Variants in IGSF21 observed in about 807,000 individuals in gnomAD.
IGSF21 encodes the protein immunoglobin superfamily member 21, also known as immunoglobulin superfamily member 21.
IGSF21 carries 28 observed loss-of-function variants against 46.8 expected under a neutral mutation model. The observed-to-expected ratio is 0.60, with a 90% CI of 0.44 to 0.82. The LOEUF is 0.82. IGSF21 is among the 40% of genes least tolerant of loss of function. IGSF21 has a pLI of 0.00. For synonymous variants in IGSF21, 284 were observed against 273.6 expected (o/e 1.04, Z -0.38); for missense variants, 624 against 665.5 (o/e 0.94, Z 0.69).
chr1:18,349,538 G>A (rs1234885569), intron 4 of IGSF21, among the ~76,000 whole-genome samples: 2 of 152,094 alleles, frequency 1.3e-5, no homozygotes, highest in Non-Finnish European at 2.9e-5. Flanking sequence ...ACAATGAGGG[G>A]CAGAAAAGCA....
chr1:18,326,487 G>A (rs1410367252), intron 3 of IGSF21, among the ~76,000 whole-genome samples: 1 of 152,118 alleles, frequency 6.6e-6, no homozygotes, highest in Non-Finnish European at 1.5e-5. Context: ...GCAAACAATG[G>A]TTATACAAAT....
Position 18,334,192 on chromosome 1 carries a change from A to C in IGSF21, c.306-700A>C, listed in dbSNP as rs2085743275. ...CCCTCCCAACTACCTCAGAGGTGGA[A>C]GTGGCTGCTCCCCAACCTGAGCTCA... is the stretch of plus-strand genomic sequence containing the variant. On this transcript the variant is annotated intron_variant, in intron 3 of 9. Transcript: ENST00000251296. This position sits in a 1 kb window ranked among gnomAD's most constrained non-coding sequence, Gnocchi z 4.3. Among the ~76,000 whole-genome samples the C allele has an allele frequency of 6.6e-6, 1 of 152,182 alleles. No individual in the cohort carries two copies. The highest frequency in any genetic ancestry group is 2.1e-4 in the South Asian group (1 of 4,828).
rs550536890 is a variant in IGSF21, at chr1:18,340,072, A to C, written c.424+5062A>C. On this transcript the variant is annotated intron_variant, in intron 4 of 9. Coordinates refer to ENST00000251296, the MANE Select transcript of IGSF21 (RefSeq NM_032880.5). ...GTCTTTTTTGTTCAAATATATTATA[A>C]GGTGACTTGGATGCCCACGTACATG... Among the ~76,000 whole-genome samples the C allele has an allele frequency of 2.6e-5, 4 of 152,348 alleles. No homozygotes were observed. The South Asian group carries it at 8.3e-4, about 32-fold the overall frequency.
intron 1 of IGSF21, among the ~76,000 whole-genome samples, chr1:18,192,188 CTG>C (rs2086964456): frequency 6.6e-6 from 1 of 152,200 alleles, no homozygotes; most frequent in Non-Finnish European, 1.5e-5. Flanking sequence ...TTTCCTGCCT[CTG>C]TGAAATGGGG....
chr1:18,236,357 G>A (rs1441455692), intron 2 of IGSF21, among the ~76,000 whole-genome samples: 1 of 152,162 alleles, frequency 6.6e-6, no homozygotes, highest in Non-Finnish European at 1.5e-5. Context: ...TGACTGTGAG[G>A]CCTCCTCAGC....
chr1:18,319,097 A>C (rs2085573672), intron 3 of IGSF21, among the ~76,000 whole-genome samples: 1 of 152,230 alleles, frequency 6.6e-6, no homozygotes, highest in Non-Finnish European at 1.5e-5. Flanking sequence ...TCTTTCTCCT[A>C]AGAGTCCCAG....
intron 2 of IGSF21, among the ~76,000 whole-genome samples, chr1:18,289,534 C>T (rs191614075): frequency 6.6e-6 from 1 of 152,358 alleles, no homozygotes; most frequent in East Asian, 1.9e-4. Context: ...TCTTTACCTG[C>T]AAAATGGGAA....
intron 1 of IGSF21, among the ~76,000 whole-genome samples, chr1:18,182,438 CA>C (rs1470373364): frequency 6.6e-6 from 1 of 152,168 alleles, no homozygotes; most frequent in Non-Finnish European, 1.5e-5. Context: ...CTCGGCCTCC[CA>C]AAGTGCTAGG....
chr1:18,246,633 G>A (rs1251554426), intron 2 of IGSF21, among the ~76,000 whole-genome samples: 2 of 152,192 alleles, frequency 1.3e-5, no homozygotes, highest in Non-Finnish European at 1.5e-5. Context: ...AGCTCGGTAT[G>A]TGCTGTAATC....
intron 1 of IGSF21, among the ~76,000 whole-genome samples, chr1:18,167,966 A>G (rs994388538): frequency 1.3e-5 from 2 of 152,110 alleles, no homozygotes; most frequent in African/African-American, 4.8e-5. Flanking sequence ...AAACACCTTG[A>G]TCACCTCTAC....
chr1:18,210,022 G>A (rs181809912), intron 1 of IGSF21, among the ~76,000 whole-genome samples: 413 of 152,172 alleles, frequency 2.7e-3, no homozygotes, highest in Admixed American at 6.7e-3. Context: ...GTCTGCACCT[G>A]GGCCTTCAGC....
At chr1:18,292,711 C>G (rs538764995) in intron 3 of IGSF21, among the ~76,000 whole-genome samples, 1 of 152,182 alleles carries the variant, frequency 6.6e-6, no homozygotes, top group Admixed American at 6.5e-5. Context: ...TTTCTCCCTT[C>G]GGTCATCTGG....
chr1:18,342,462 G>A (rs1237065996), intron 4 of IGSF21, among the ~76,000 whole-genome samples: 2 of 152,128 alleles, frequency 1.3e-5, no homozygotes, highest in African/African-American at 4.8e-5. Context: ...CTCATGTAAA[G>A]TGTAAAAAAC....
At chr1:18,162,547 T>C (rs918360043) in intron 1 of IGSF21, among the ~76,000 whole-genome samples, 2 of 152,184 alleles carry the variant, frequency 1.3e-5, no homozygotes, top group African/African-American at 4.8e-5. Flanking sequence ...TGGTGCAAAG[T>C]GGTTTTGCCC....
At chr1:18,367,200 C>T (rs957992018) in intron 6 of IGSF21, among the ~76,000 whole-genome samples, 2 of 152,196 alleles carry the variant, frequency 1.3e-5, no homozygotes, top group African/African-American at 4.8e-5. Context: ...CAGCTTGTGT[C>T]AGGTGTTCTA....
chr1:18,132,503 C>A (rs758745907), intron 1 of IGSF21, among the ~76,000 whole-genome samples: 13 of 152,210 alleles, frequency 8.5e-5, no homozygotes, highest in Non-Finnish European at 1.3e-4. Flanking sequence ...GCAGCCCCAG[C>A]CTGTAGGCAG....
intron 1 of IGSF21, among the ~76,000 whole-genome samples, chr1:18,182,488 T>A (rs2086866613): frequency 6.6e-6 from 1 of 152,002 alleles, no homozygotes; most frequent in Non-Finnish European, 1.5e-5. Context: ...CCCCAGAAAG[T>A]GTCTTTTGAG....
chr1:18,288,228 A>G lies in IGSF21; in HGVS notation c.184-3638A>G, dbSNP rs532664879. Among the ~76,000 whole-genome samples, 3 of 152,296 alleles carry G rather than the reference A, an allele frequency of 2.0e-5. No individual in the cohort carries two copies. The South Asian group carries it at 6.2e-4, about 32-fold the overall frequency. ...TCATGCTCCAAAGCCTCCCATAGAC[A>G]GAAAGAGCCAGCCTAGGACCAAGCA... On this transcript the variant is annotated intron_variant, in intron 2 of 9. Coordinates refer to ENST00000251296, the MANE Select transcript of IGSF21 (RefSeq NM_032880.5).
At chr1:18,372,822 T>TTGGA (rs562780101) in intron 6 of IGSF21, among the ~76,000 whole-genome samples, 3,615 of 110,188 alleles carry the variant, frequency 0.033, 101 homozygotes, top group Middle Eastern at 0.11. Context: ...GGATGGATAT[T>TTGGA]TGGATGGATG....
Sources: allele counts gnomAD v4.1 joint callset (sites outside exome capture counted in the v4.1 genomes callset), GRCh38; gene constraint gnomAD v4.1.1; non-coding constraint Gnocchi (gnomAD v3.1); transcripts MANE v1.5; gene names NCBI Gene and HGNC (gene_info 2026-07-23, HGNC 2026-07-21).